CAMK2D: variants seen among roughly 807,000 people sequenced by gnomAD.
CAMK2D encodes calcium/calmodulin dependent protein kinase II delta, also known as calcium/calmodulin-dependent protein kinase type II subunit delta.
In CAMK2D, 37 loss-of-function variants were observed where a neutral mutation model predicts 84.0. The ratio of observed to expected loss-of-function variants is 0.44; its 90% CI spans 0.34 to 0.58. The LOEUF (loss-of-function observed/expected upper bound fraction) is 0.58, where lower values mean the gene tolerates loss of function less well. Ranked by LOEUF, CAMK2D falls within the 20% of genes least tolerant of loss-of-function variation. The pLI is 0.02. For synonymous variants in CAMK2D, 202 were observed against 212.5 expected (o/e 0.95, Z 0.43); for missense variants, 448 against 652.5 (o/e 0.69, Z 3.41).
intron 2 of CAMK2D, among the ~76,000 whole-genome samples, chr4:113,729,716 T>C (rs960183434): frequency 2.6e-5 from 4 of 152,164 alleles, no homozygotes; most frequent in Admixed American, 1.3e-4. Context: ...AATTTAACGG[T>C]GTGTAGAGTT....
chr4:113,531,951 T>A (rs1411865163), intron 7 of CAMK2D, among the ~76,000 whole-genome samples: 1 of 152,194 alleles, frequency 6.6e-6, no homozygotes, highest in Non-Finnish European at 1.5e-5. Flanking sequence ...AAAATAACAG[T>A]TTTTTAAATA....
At chr4:113,539,746 G>A (rs2098517610) in intron 6 of CAMK2D, among the ~76,000 whole-genome samples, 1 of 152,088 alleles carries the variant, frequency 6.6e-6, no homozygotes, top group African/African-American at 2.4e-5. Context: ...GAAAAGGCAG[G>A]GTTATTTGAA....
intron 16 of CAMK2D, among the ~76,000 whole-genome samples, chr4:113,498,067 T>G (rs148067122): frequency 6.6e-6 from 1 of 152,302 alleles, no homozygotes; most frequent in East Asian, 1.9e-4. Context: ...TGTGAGTTCT[T>G]GGATGTTAGT....
chr4:113,652,738 G>A (rs1046653858), intron 3 of CAMK2D, among the ~76,000 whole-genome samples: 1 of 152,162 alleles, frequency 6.6e-6, no homozygotes, highest in Non-Finnish European at 1.5e-5. Context: ...TGAATGTAGT[G>A]GAGACAGGGC....
intron 6 of CAMK2D, among the ~76,000 whole-genome samples, chr4:113,545,343 T>G (rs2098557925): frequency 6.6e-6 from 1 of 152,174 alleles, no homozygotes; most frequent in African/African-American, 2.4e-5. Context: ...TTTTTCTCAC[T>G]GATGTGGACA....
intron 18 of CAMK2D, among the ~76,000 whole-genome samples, chr4:113,459,624 T>G (rs574189647): frequency 6.6e-6 from 1 of 150,710 alleles, no homozygotes; most frequent in African/African-American, 2.4e-5. Context: ...TTGAAGTGTA[T>G]TCAATCAACA....
intron 3 of CAMK2D, among the ~76,000 whole-genome samples, chr4:113,627,919 T>G (rs1337094500): frequency 1.3e-5 from 2 of 152,136 alleles, no homozygotes; most frequent in African/African-American, 4.8e-5. Context: ...CAAATAAATT[T>G]TCCAAGAGCA....
chr4:113,684,284 T>C (rs981331668), intron 2 of CAMK2D, among the ~76,000 whole-genome samples: 4 of 152,294 alleles, frequency 2.6e-5, no homozygotes, highest in South Asian at 2.1e-4. Flanking sequence ...TGGATAGCCA[T>C]GTATCATATA....
rs1012134934 is a variant in CAMK2D at position 113,457,197 on chromosome 4, C to T, written c.1535+138G>A. 47 of 1,429,906 alleles carry T rather than the reference C, an allele frequency of 3.3e-5. No homozygotes were observed. The Admixed American group carries it at 3.9e-4, about 12-fold the overall frequency. The allele number at this position is 1,429,906 out of a possible 1,614,324, so 88.6% of individuals were successfully genotyped here. A position where few individuals can be genotyped will look rare whatever the true frequency, so the allele number is the denominator to read the frequency against. On this transcript the variant is annotated intron_variant, in intron 19 of 20. Coordinates refer to ENST00000511664, the MANE Select transcript of CAMK2D (RefSeq NM_001321571.2). ...TTTCCAGAGAATCATAAACCTTTCC[C>T]GTGAAGGCATTTATTTTCATCAGTG...
chr4:113,708,624 T>A (rs1021820990), intron 2 of CAMK2D, among the ~76,000 whole-genome samples: 1 of 152,210 alleles, frequency 6.6e-6, no homozygotes, highest in African/African-American at 2.4e-5. Context: ...ATAATCTTTT[T>A]TAAAAAGCTA....
intron 2 of CAMK2D, among the ~76,000 whole-genome samples, chr4:113,708,236 T>C (rs1339511803): frequency 6.6e-6 from 1 of 152,328 alleles, no homozygotes; most frequent in South Asian, 2.1e-4. Context: ...TTTGTGTTAC[T>C]AGTCATCATG....
rs1005230269 is a variant in CAMK2D at position 113,761,275 on chromosome 4, C to T, written c.-207G>A. ...AAAGGGTGGCGTGGGGTCTCCTCCC[C>T]ACAGTCCGCCGATCCTCCTCCTCCT... On this transcript the variant is annotated 5_prime_UTR_variant, in exon 1 of 21. Coordinates refer to ENST00000511664, the MANE Select transcript of CAMK2D (RefSeq NM_001321571.2). 75 of 1,434,984 alleles carry T rather than the reference C, an allele frequency of 5.2e-5. No individual in the cohort carries two copies. The highest frequency in any genetic ancestry group is 6.2e-5 in the Non-Finnish European group (68 of 1,098,104). 88.9% of individuals were successfully genotyped at this position (1,434,984 alleles called of 1,614,324 possible).
At chr4:113,623,924 A>C (rs377627707) in intron 3 of CAMK2D, among the ~76,000 whole-genome samples, 2 of 152,106 alleles carry the variant, frequency 1.3e-5, no homozygotes, top group African/African-American at 4.8e-5. Context: ...TTAAATATGT[A>C]TACATCACCG....
intron 16 of CAMK2D, among the ~76,000 whole-genome samples, chr4:113,477,797 G>A (rs910089548): frequency 4.0e-5 from 6 of 151,188 alleles, no homozygotes; most frequent in African/African-American, 1.5e-4. Context: ...TCCAGTAAAG[G>A]TGTTCTTAGT....
chr4:113,617,093 C>A (rs1427593590), intron 3 of CAMK2D, among the ~76,000 whole-genome samples: 1 of 151,798 alleles, frequency 6.6e-6, no homozygotes, highest in African/African-American at 2.4e-5. Flanking sequence ...TTCTTCTTGC[C>A]TTATGTTTTT....
At chr4:113,641,943 G>C (rs1461048628) in intron 3 of CAMK2D, among the ~76,000 whole-genome samples, 1 of 152,090 alleles carries the variant, frequency 6.6e-6, no homozygotes, top group African/African-American at 2.4e-5. Context: ...CCGGGAGGTG[G>C]AGGTTGCGGT....
At chr4:113,570,327 TCAAA>T (rs1455643116) in intron 4 of CAMK2D, among the ~76,000 whole-genome samples, 2 of 152,110 alleles carry the variant, frequency 1.3e-5, no homozygotes, top group African/African-American at 2.4e-5. Flanking sequence ...GTATGGAACC[TCAAA>T]CAGCTAGAGC....
intron 4 of CAMK2D, among the ~76,000 whole-genome samples, chr4:113,570,727 A>C (rs1297279203): frequency 6.6e-6 from 1 of 152,222 alleles, no homozygotes; most frequent in African/African-American, 2.4e-5. Context: ...AAGCTCCTTG[A>C]CATAGGTCTG....
At chr4:113,713,098 T>C (rs1200234410) in intron 2 of CAMK2D, among the ~76,000 whole-genome samples, 1 of 152,036 alleles carries the variant, frequency 6.6e-6, no homozygotes, top group Non-Finnish European at 1.5e-5. Flanking sequence ...TAAATAACTG[T>C]ATATCACAGT....
Sources: gnomAD v4.1 joint callset for allele counts (sites outside exome capture counted in the v4.1 genomes callset) on GRCh38, gnomAD v4.1.1 for gene constraint, MANE v1.5 for transcripts, NCBI Gene and HGNC (gene_info 2026-07-23, HGNC 2026-07-21) for gene names.